The following TASOR2 variants were observed in gnomAD, a reference collection of about 807,000 sequenced individuals.
TASOR2 encodes protein TASOR 2.
Under a neutral mutation model 199.5 loss-of-function variants are expected in TASOR2, and 84 were observed. That is an observed-to-expected ratio of 0.42 (90% CI 0.35 to 0.50). TASOR2 has a LOEUF of 0.50. TASOR2 is among the 20% of genes least tolerant of loss of function. The pLI is 0.02. For synonymous variants in TASOR2, 1,103 were observed against 1,046.6 expected, an observed-to-expected ratio of 1.05 and a Z score of -1.04; for missense variants, 2,796 against 2,835.9, an observed-to-expected ratio of 0.99 and a Z score of 0.32.
intron 1 of TASOR2, among the ~76,000 whole-genome samples, chr10:5,703,803 C>G (rs573489620): frequency 1.1e-4 from 17 of 152,078 alleles, no homozygotes; most frequent in African/African-American, 3.9e-4. Context: ...CGCCCGGCCT[C>G]TGATGTTTTT....
In TASOR2 at chr10:5,746,270, T is replaced by C. The variant is rs370046507; in HGVS notation, c.2849T>C (p.Val950Ala). ...AGTACACAAACTAATGGACCTTCTG[T>C]TCCTAGTGAAGAAGAAATTGTTCAG... Residue 950 changes from valine (V) to alanine (A), a missense_variant, in exon 15 of 21, where the codon GTT (valine) becomes GCT (alanine). Val to Ala is a moderately conservative substitution (Grantham distance 64, BLOSUM62 0). Coordinates refer to ENST00000328090, the Ensembl canonical transcript of TASOR2. 47 of 1,614,160 alleles carry C rather than the reference T, an allele frequency of 2.9e-5. No homozygotes were observed. The African/African-American group carries it at 5.2e-4, about 18-fold the overall frequency.
At chr10:5,753,937 C>A (rs769055507) in intron 15 of TASOR2, among the ~76,000 whole-genome samples, 3 of 152,114 alleles carry the variant, frequency 2.0e-5, no homozygotes, top group Non-Finnish European at 4.4e-5. Flanking sequence ...CTAGAATCAA[C>A]CAAGTCAGCA....
Position 5,747,962 on chromosome 10 carries a change from T to C in TASOR2, c.4541T>C (p.Phe1514Ser), listed in dbSNP as rs1261095052. ...AGTGAGCATGATGAGGGTTTATCTTTCTCAGGAAAGGTGCAGTGCTATGGT... is the reference window on the plus strand; with the variant it reads ...AGTGAGCATGATGAGGGTTTATCTTCCTCAGGAAAGGTGCAGTGCTATGGT... Residue 1514 changes from phenylalanine to serine, a missense_variant, in exon 15 of 21, where the codon TTC becomes TCC. By Grantham distance (155) the Phe-to-Ser change is radical. Coordinates refer to ENST00000328090, the Ensembl canonical transcript of TASOR2. The C allele has an allele frequency of 2.5e-6, 4 of 1,613,724 alleles. No homozygotes were observed. The South Asian group carries it at 3.3e-5, about 13-fold the overall frequency.
rs1835764754 is a variant in TASOR2, at chr10:5,685,970, A to G, written c.-288+795A>G. Among the ~76,000 whole-genome samples the G allele has an allele frequency of 6.6e-6, 1 of 152,234 alleles. No individual in the cohort carries two copies. The highest frequency in any genetic ancestry group is 1.5e-5 in the Non-Finnish European group (1 of 68,036). ...TTATTGGAATGGCATTCGCGATCCT[A>G]GAGTCTACAGTGTTCCCTGAATAAA... is the stretch of plus-strand genomic sequence containing the variant. On this transcript the variant is annotated intron_variant, in intron 1 of 20. Transcript: ENST00000328090. The surrounding 1 kb of genome is among the most constrained non-coding windows in gnomAD (Gnocchi z 5.4).
chr10:5,729,616 A>C (rs1834524745), intron 10 of TASOR2, among the ~76,000 whole-genome samples: 1 of 152,204 alleles, frequency 6.6e-6, no homozygotes, highest in Non-Finnish European at 1.5e-5. Context: ...TCCTTTTTCT[A>C]ATAACTGCTT....
intron 11 of TASOR2, among the ~76,000 whole-genome samples, 192 bp downstream of exon 12, chr10:5,731,395 G>A (rs1257297780): frequency 1.3e-5 from 2 of 152,140 alleles, no homozygotes; most frequent in Non-Finnish European, 2.9e-5. Context: ...GGGTGTGGCG[G>A]TGCGTGCCTG....
At chr10:5,741,504 T>G (rs1836420923) in intron 13 of TASOR2, among the ~76,000 whole-genome samples, 1 of 152,220 alleles carries the variant, frequency 6.6e-6, no homozygotes, top group African/African-American at 2.4e-5. Context: ...CCCCCCTGAC[T>G]TATGGTACTC....
chr10:5,757,617 T>G, exon 17 of TASOR2: 1 of 1,613,884 alleles, frequency 6.2e-7, no homozygotes, highest in Non-Finnish European at 8.5e-7. Flanking sequence ...CAAGAACTGT[T>G]TCGTGCAGGA....
In TASOR2 at chr10:5,746,302, G is replaced by A; in HGVS notation, c.2881G>A (p.Asp961Asn). The change falls in exon 15 of 21, where the codon GAT becomes AAT. Residue 961 changes from aspartate to asparagine, a missense_variant. Physicochemically the swap from Asp to Asn is conservative, Grantham distance 23. Coordinates refer to ENST00000328090, the Ensembl canonical transcript of TASOR2. ...TGAAGAAGAAATTGTTCAGCCACTGGATAGCACAAGAGTGGCTTCTTACAG... is the reference window on the plus strand; with the variant it reads ...TGAAGAAGAAATTGTTCAGCCACTGAATAGCACAAGAGTGGCTTCTTACAG... The A allele has an allele frequency of 1.2e-6, 2 of 1,614,122 alleles. No homozygotes were observed. The highest frequency in any genetic ancestry group is 1.7e-6 in the Non-Finnish European group (2 of 1,180,024).
rs1005367129 is a variant in TASOR2 at position 5,722,183 on chromosome 10, A to G, written c.146+1213A>G. On this transcript the variant is annotated intron_variant, in intron 6 of 20. Transcript: ENST00000328090. The surrounding 1 kb of genome is among the most constrained non-coding windows in gnomAD (Gnocchi z 4.0). Reference sequence around the variant, plus strand: ...AGAAAATTTGCTAGGGGCCAGGCACAGTGGCTCCTGTCTGTAATGCTAGCA... The same window carrying G: ...AGAAAATTTGCTAGGGGCCAGGCACGGTGGCTCCTGTCTGTAATGCTAGCA... 1.1e-4 allele frequency among the ~76,000 whole-genome samples: 16 copies of G among 152,308 alleles called. No homozygotes were observed. The highest frequency in any genetic ancestry group is 3.1e-4 in the African/African-American group (13 of 41,582).
At position 5,746,923 on chromosome 10, in the gene TASOR2, TC is replaced by T; in HGVS notation, c.3503del (p.Ser1168LeufsTer10). On this transcript the variant is annotated frameshift_variant, in exon 15 of 21. Transcript: ENST00000328090. LOFTEE classifies it high-confidence loss of function. ...GGAGGCACTATCATTAGCTAAAAGT[TC>T]TAGTCATCTATCACCCAGTGAAGAA... 6.2e-7 allele frequency: 1 copy of T among 1,614,206 alleles called. No individual in the cohort carries two copies. The highest frequency in any genetic ancestry group is 8.5e-7 in the Non-Finnish European group (1 of 1,180,034).
chr10:5,693,847 G>T (rs1836796683), intron 1 of TASOR2, among the ~76,000 whole-genome samples: 1 of 152,202 alleles, frequency 6.6e-6, no homozygotes, highest in Non-Finnish European at 1.5e-5. Context: ...CTACTGTGGT[G>T]CTAGGAGCTC....
At chr10:5,700,894 G>T (rs1320492852) in intron 1 of TASOR2, among the ~76,000 whole-genome samples, 1 of 151,548 alleles carries the variant, frequency 6.6e-6, no homozygotes, top group Admixed American at 6.6e-5. Flanking sequence ...TCTTTTGGCG[G>T]GTGAGTAGTT....
chr10:5,762,635 G>C (rs771514126), exon 20 of TASOR2: 4 of 1,407,026 alleles, frequency 2.8e-6, no homozygotes, highest in Non-Finnish European at 3.9e-6. Flanking sequence ...CTCCATTTAG[G>C]AGTAGCTATT....
At chr10:5,732,817 C>T (rs1835013185) in intron 11 of TASOR2, among the ~76,000 whole-genome samples, 1 of 152,164 alleles carries the variant, frequency 6.6e-6, no homozygotes, top group Non-Finnish European at 1.5e-5. Context: ...GGATTACAGG[C>T]GTCAGCCACT....
chr10:5,759,457 A>G (rs1839451742), intron 18 of TASOR2, among the ~76,000 whole-genome samples: 1 of 152,196 alleles, frequency 6.6e-6, no homozygotes, highest in Admixed American at 6.5e-5. Flanking sequence ...AAAAAAATAC[A>G]TGTTTGATTC....
In TASOR2 at chr10:5,738,330, A is replaced by G. The variant is rs1835910323; in HGVS notation, c.1448-1288A>G. On this transcript the variant is annotated intron_variant, in intron 12 of 20. Transcript: ENST00000328090. This position sits in a 1 kb window ranked among gnomAD's most constrained non-coding sequence, Gnocchi z 4.7. Reference sequence around the variant, plus strand: ...ATATGTTAAACTACCATTTTTCTTTATTTTAATACAGTATCTTTTATATTA... The same window carrying G: ...ATATGTTAAACTACCATTTTTCTTTGTTTTAATACAGTATCTTTTATATTA... 6.6e-6 allele frequency among the ~76,000 whole-genome samples: 1 copy of G among 152,140 alleles called. No individual in the cohort carries two copies. Among genetic ancestry groups the G allele is most frequent in the Non-Finnish European group, 1.5e-5 (1 of 68,030 alleles).
At chr10:5,723,302 G>A (rs1028357078) in intron 6 of TASOR2, among the ~76,000 whole-genome samples, 21 of 151,810 alleles carry the variant, frequency 1.4e-4, no homozygotes, top group African/African-American at 4.8e-4. Context: ...TGATCCACCC[G>A]CCTCAGCCTC....
intron 8 of TASOR2, 25 bp downstream of exon 9, chr10:5,724,558 AATT>A (rs759314567): frequency 3.0e-5 from 32 of 1,050,080 alleles, no homozygotes; most frequent in Admixed American, 2.2e-4. Context: ...TTTAAAATAT[AATT>A]ATTATGTTTT....
Sources: gnomAD v4.1 joint callset for allele counts (sites outside exome capture counted in the v4.1 genomes callset) on GRCh38, gnomAD v4.1.1 for gene constraint, Gnocchi (gnomAD v3.1) non-coding constraint, MANE v1.5 for transcripts, NCBI Gene and HGNC (gene_info 2026-07-23, HGNC 2026-07-21) for gene names.